ACSS3: variants seen among roughly 807,000 people sequenced by gnomAD.
ACSS3 encodes acyl-CoA synthetase short-chain family member 3, mitochondrial.
A neutral mutation model predicts 84.2 loss-of-function variants in ACSS3; 64 were observed. That is an observed-to-expected ratio of 0.76 (90% confidence interval 0.62 to 0.94). ACSS3 has a LOEUF of 0.94. Ranked by LOEUF, ACSS3 falls within the 40% of genes least tolerant of loss-of-function variation. The pLI, the probability that ACSS3 is intolerant of heterozygous loss-of-function variation, is 0.00. For missense variants in ACSS3, 815 were observed against 867.6 expected, an observed-to-expected ratio of 0.94 and a Z score of 0.76; for synonymous variants, 317 against 310.1, an observed-to-expected ratio of 1.02 and a Z score of -0.23.
intron 9 of ACSS3, among the ~76,000 whole-genome samples, chr12:81,203,810 A>T (rs541183422): frequency 1.4e-4 from 21 of 152,290 alleles, no homozygotes; most frequent in Admixed American, 9.2e-4. Context: ...ATTCACCCAG[A>T]TGTATTATCT....
intron 7 of ACSS3, among the ~76,000 whole-genome samples, chr12:81,162,478 A>C (rs1887199579): frequency 6.6e-6 from 1 of 152,114 alleles, no homozygotes; most frequent in African/African-American, 2.4e-5. Context: ...TATGGTCTTC[A>C]GAAGGGAGAA....
intron 13 of ACSS3, among the ~76,000 whole-genome samples, chr12:81,235,113 G>A (rs1019880553): frequency 3.6e-4 from 54 of 151,158 alleles, no homozygotes; most frequent in African/African-American, 1.3e-3. Flanking sequence ...ATAGTGCAAG[G>A]TGTAGGTTGA....
chr12:81,192,238 A>G (rs1328965087), intron 8 of ACSS3, among the ~76,000 whole-genome samples: 1 of 151,672 alleles, frequency 6.6e-6, no homozygotes, highest in Non-Finnish European at 1.5e-5. Context: ...AAAATTAGCC[A>G]GACATGGTGG....
At chr12:81,193,246 C>G (rs2031668460) in intron 8 of ACSS3, among the ~76,000 whole-genome samples, 1 of 152,080 alleles carries the variant, frequency 6.6e-6, no homozygotes, top group African/African-American at 2.4e-5. Context: ...CTGAAATAAT[C>G]TATTTTTATT....
intron 1 of ACSS3, among the ~76,000 whole-genome samples, chr12:81,088,125 A>G (rs1474294598): frequency 6.6e-6 from 1 of 152,054 alleles, no homozygotes; most frequent in Non-Finnish European, 1.5e-5. Flanking sequence ...TCACTTAGTT[A>G]ATTGCCAGAG....
At chr12:81,155,851 C>T (rs778080594) in intron 7 of ACSS3, among the ~76,000 whole-genome samples, 1 of 152,132 alleles carries the variant, frequency 6.6e-6, no homozygotes, top group African/African-American at 2.4e-5. Context: ...GATAAAACAA[C>T]AGACAGAAAG....
chr12:81,230,023 G>A (rs963347785), intron 11 of ACSS3, among the ~76,000 whole-genome samples: 4 of 151,788 alleles, frequency 2.6e-5, no homozygotes, highest in Non-Finnish European at 2.9e-5. Flanking sequence ...TGTCAGACCC[G>A]AAAATCCTGC....
chr12:81,179,578 C>G (rs1437976718), intron 8 of ACSS3, among the ~76,000 whole-genome samples: 2 of 151,628 alleles, frequency 1.3e-5, no homozygotes, highest in Non-Finnish European at 1.5e-5. Flanking sequence ...GTCAGGAGAT[C>G]GAGACCCCAG....
chr12:81,191,370 A>AT (rs902939724), intron 8 of ACSS3, among the ~76,000 whole-genome samples: 7 of 152,080 alleles, frequency 4.6e-5, no homozygotes, highest in African/African-American at 1.7e-4. Context: ...TAAAATCTAG[A>AT]TTTTTAGTCA....
chr12:81,245,387 G>T (rs540845998), intron 13 of ACSS3, among the ~76,000 whole-genome samples: 5 of 152,204 alleles, frequency 3.3e-5, no homozygotes, highest in African/African-American at 4.8e-5. Flanking sequence ...GCGTGAACCC[G>T]CAAGGCGGAG....
chr12:81,109,619 G>A lies in ACSS3; in HGVS notation c.371G>A (p.Gly124Asp). The change falls in exon 2 of 16, where the codon GGT becomes GAT. Residue 124 changes from glycine to aspartate, a missense_variant. Transcript: ENST00000548058. ...YNAVDRHIENGKGDKIAIIYD... is the reference protein window; with the variant it reads ...YNAVDRHIENDKGDKIAIIYD... Reference sequence around the variant, plus strand: ...GCCGTTGATCGTCATATTGAAAATGGTAAAGGGGATAAGATTGCTATCATC... The same window carrying A: ...GCCGTTGATCGTCATATTGAAAATGATAAAGGGGATAAGATTGCTATCATC... 1.2e-6 allele frequency: 2 copies of A among 1,612,710 alleles called. No individual in the cohort carries two copies. The highest frequency in any genetic ancestry group is 1.7e-6 in the Non-Finnish European group (2 of 1,179,332).
intron 2 of ACSS3, 101 bp from the exon 3 acceptor site, chr12:81,134,715 A>T: frequency 9.4e-7 from 1 of 1,063,958 alleles, no homozygotes; most frequent in Non-Finnish European, 1.3e-6. Flanking sequence ...CCTTTAATCT[A>T]CTACCAAGCG....
chr12:81,231,752 G>T (rs2033473180), intron 12 of ACSS3, among the ~76,000 whole-genome samples: 1 of 151,776 alleles, frequency 6.6e-6, no homozygotes, highest in South Asian at 2.1e-4. Flanking sequence ...GTCATTGTGT[G>T]AAACTTGTTA....
intron 7 of ACSS3, among the ~76,000 whole-genome samples, chr12:81,159,817 C>T (rs1189603705): frequency 1.3e-5 from 2 of 152,208 alleles, no homozygotes; most frequent in African/African-American, 2.4e-5. Context: ...GGTGATTATA[C>T]AGAGATATGC....
intron 7 of ACSS3, among the ~76,000 whole-genome samples, chr12:81,162,996 C>T (rs1376812691): frequency 3.9e-5 from 6 of 152,058 alleles, no homozygotes; most frequent in Middle Eastern, 3.2e-3. Context: ...TCCTGGGCCT[C>T]CGAGAACACA....
At chr12:81,149,527 C>T (rs1389132478) in intron 5 of ACSS3, among the ~76,000 whole-genome samples, 2 of 152,074 alleles carry the variant, frequency 1.3e-5, no homozygotes, top group Non-Finnish European at 2.9e-5. Flanking sequence ...TGCACCATAT[C>T]AAATACTCAG....
At chr12:81,114,855 T>C (rs1883907164) in intron 2 of ACSS3, among the ~76,000 whole-genome samples, 1 of 152,150 alleles carries the variant, frequency 6.6e-6, no homozygotes, top group Non-Finnish European at 1.5e-5. Context: ...TAATTCCATG[T>C]AAGCAACAAA....
chr12:81,224,702 A>G (rs2033215381), intron 11 of ACSS3, among the ~76,000 whole-genome samples: 1 of 151,882 alleles, frequency 6.6e-6, no homozygotes, highest in Admixed American at 6.6e-5. Flanking sequence ...AAGATTTCAG[A>G]AATAAATAAT....
intron 8 of ACSS3, among the ~76,000 whole-genome samples, chr12:81,186,345 A>T (rs930714360): frequency 4.6e-5 from 7 of 151,872 alleles, no homozygotes; most frequent in Middle Eastern, 3.2e-3. Flanking sequence ...CCACAAAAGC[A>T]AAAATGAATA....
Sources: allele counts gnomAD v4.1 joint callset (sites outside exome capture counted in the v4.1 genomes callset), GRCh38; gene constraint gnomAD v4.1.1; transcripts MANE v1.5; gene names NCBI Gene and HGNC (gene_info 2026-07-23, HGNC 2026-07-21).